PHKB: variants seen among roughly 807,000 people sequenced by gnomAD.
PHKB encodes phosphorylase kinase regulatory subunit beta.
In PHKB, 122 loss-of-function variants were observed where a neutral mutation model predicts 152.1. That is an observed-to-expected ratio of 0.80 (90% CI 0.69 to 0.93). PHKB has a LOEUF of 0.93. Ranked by LOEUF, PHKB falls within the 40% of genes least tolerant of loss-of-function variation. The pLI is 0.00. For missense variants in PHKB, 1,304 were observed against 1,328.4 expected, an observed-to-expected ratio of 0.98 and a Z score of 0.29; for synonymous variants, 436 against 464.9, an observed-to-expected ratio of 0.94 and a Z score of 0.80.
At chr16:47,694,101 G>A (rs1240364139) in intron 28 of PHKB, among the ~76,000 whole-genome samples, 1 of 152,168 alleles carries the variant, frequency 6.6e-6, no homozygotes, top group Non-Finnish European at 1.5e-5. Flanking sequence ...TGTGGAAAAT[G>A]CAGTAACTTT....
intron 1 of PHKB, among the ~76,000 whole-genome samples, chr16:47,465,319 T>G (rs1315839700): frequency 1.3e-5 from 2 of 152,230 alleles, no homozygotes; most frequent in East Asian, 3.8e-4. Flanking sequence ...TTTTAAGCAC[T>G]AGCACAGTCA....
intron 13 of PHKB, among the ~76,000 whole-genome samples, chr16:47,603,646 G>A (rs1041319289): frequency 6.6e-6 from 1 of 151,872 alleles, no homozygotes; most frequent in Non-Finnish European, 1.5e-5. Flanking sequence ...TGGGGCTACA[G>A]GTGCTCACCA....
chr16:47,509,989 G>A (rs1970482628), intron 4 of PHKB, among the ~76,000 whole-genome samples: 1 of 152,096 alleles, frequency 6.6e-6, no homozygotes, highest in African/African-American at 2.4e-5. Flanking sequence ...ATAATTCCTT[G>A]GTGTCAATAC....
intron 14 of PHKB, among the ~76,000 whole-genome samples, chr16:47,630,450 C>T (rs1474255902): frequency 1.3e-5 from 2 of 151,754 alleles, no homozygotes; most frequent in Non-Finnish European, 2.9e-5. Flanking sequence ...CTGCTGCACT[C>T]CAGCCTGGGT....
At chr16:47,567,779 C>A (rs908494288) in intron 7 of PHKB, among the ~76,000 whole-genome samples, 1 of 152,016 alleles carries the variant, frequency 6.6e-6, no homozygotes, top group East Asian at 1.9e-4. Flanking sequence ...ATGCTTTTTC[C>A]GCATCTTTTA....
At chr16:47,696,046 C>CGTGTAAAT (rs1325667691) in intron 28 of PHKB, among the ~76,000 whole-genome samples, 6 of 152,302 alleles carry the variant, frequency 3.9e-5, no homozygotes, top group Admixed American at 3.9e-4. Flanking sequence ...CATAACTTCT[C>CGTGTAAAT]GTGTAAATTC....
At chr16:47,609,553 T>C (rs201603466) in intron 13 of PHKB, among the ~76,000 whole-genome samples, 1 of 143,736 alleles carries the variant, frequency 7.0e-6, no homozygotes, top group Non-Finnish European at 1.5e-5. Flanking sequence ...GTGTGTGTGT[T>C]TGTGTGTGTG....
At chr16:47,639,043 T>C (rs1396411447) in intron 14 of PHKB, among the ~76,000 whole-genome samples, 4 of 152,064 alleles carry the variant, frequency 2.6e-5, no homozygotes, top group Admixed American at 2.6e-4. Context: ...GGGAGGCCAG[T>C]GTGGGCAGAT....
intron 25 of PHKB, among the ~76,000 whole-genome samples, chr16:47,668,381 C>G (rs1322328975): frequency 6.6e-6 from 1 of 152,194 alleles, no homozygotes; most frequent in Non-Finnish European, 1.5e-5. Flanking sequence ...TGCTCTCTCC[C>G]CTCATCTCTG....
intron 7 of PHKB, among the ~76,000 whole-genome samples, chr16:47,564,091 A>G (rs1971523973): frequency 1.3e-5 from 2 of 149,472 alleles, no homozygotes; most frequent in South Asian, 4.2e-4. Context: ...TAGGCACTTA[A>G]GTTGATTCTA....
At chr16:47,618,421 C>T (rs767328610) in intron 14 of PHKB, among the ~76,000 whole-genome samples, 2 of 152,022 alleles carry the variant, frequency 1.3e-5, no homozygotes, top group Non-Finnish European at 2.9e-5. Context: ...AGTCTTTCCT[C>T]GTTATTTCTG....
intron 7 of PHKB, among the ~76,000 whole-genome samples, chr16:47,558,288 C>A (rs906946033): frequency 6.6e-6 from 1 of 150,956 alleles, no homozygotes. Flanking sequence ...TGCTAAATGA[C>A]GAGTTAATGG....
At position 47,549,002 on chromosome 16, in the gene PHKB, C is replaced by T. The variant is rs368309214; in HGVS notation, c.710+1454C>T. Among the ~76,000 whole-genome samples the T allele has an allele frequency of 5.9e-5, 9 of 152,140 alleles. No individual in the cohort carries two copies. The East Asian group carries it at 7.7e-4, about 13-fold the overall frequency. The stretch of plus-strand genomic sequence containing the variant: ...GACTTTCAGATTAATCCTTAACTGA[C>T]GTGGAAACCTTTTTCTTTAGGTTTT... On this transcript the variant is annotated intron_variant, in intron 7 of 30. Transcript: ENST00000323584.
chr16:47,692,913 C>A (rs1330594525), intron 27 of PHKB, among the ~76,000 whole-genome samples: 3 of 152,002 alleles, frequency 2.0e-5, no homozygotes. Context: ...TTTTGAACAT[C>A]ATTTATTCAT....
intron 8 of PHKB, among the ~76,000 whole-genome samples, chr16:47,586,926 A>G (rs577967397): frequency 5.5e-4 from 83 of 151,944 alleles, no homozygotes; most frequent in African/African-American, 1.9e-3. Flanking sequence ...AAATATATAT[A>G]TGTGTGTGTG....
Position 47,669,207 on chromosome 16 carries a change from A to G in PHKB, c.2428-8A>G, listed in dbSNP as rs1597165067. ...GAGAATTTTACAATAAAATTCTGCC[A>G]CTTGTAGGTAACTCTGGGTGCCTTT... On this transcript the variant is annotated splice_polypyrimidine_tract_variant and splice_region_variant and intron_variant, in intron 25 of 30. Transcript: ENST00000323584. 1 of 1,609,578 alleles carries G rather than the reference A, an allele frequency of 6.2e-7. No homozygotes were observed. The highest frequency in any genetic ancestry group is 1.1e-5 in the South Asian group (1 of 90,980).
intron 1 of PHKB, among the ~76,000 whole-genome samples, chr16:47,495,158 T>C (rs1395368407): frequency 6.6e-6 from 1 of 152,054 alleles, no homozygotes; most frequent in African/African-American, 2.4e-5. Context: ...GATTTTCCTT[T>C]TGTTTATTTA....
At chr16:47,676,600 A>G (rs1471775633) in intron 26 of PHKB, among the ~76,000 whole-genome samples, 2 of 152,118 alleles carry the variant, frequency 1.3e-5, no homozygotes, top group Admixed American at 1.3e-4. Context: ...ATTACCCACT[A>G]CTTCAATTGC....
chr16:47,685,916 T>A (rs975840866), intron 26 of PHKB, among the ~76,000 whole-genome samples: 1 of 152,082 alleles, frequency 6.6e-6, no homozygotes, highest in East Asian at 1.9e-4. Flanking sequence ...TGATTTTTTG[T>A]ATTTTTAGTG....
Sources: allele counts gnomAD v4.1 joint callset (sites outside exome capture counted in the v4.1 genomes callset), GRCh38; gene constraint gnomAD v4.1.1; transcripts MANE v1.5; gene names NCBI Gene and HGNC (gene_info 2026-07-23, HGNC 2026-07-21).